CNKSR3: variants seen among roughly 807,000 people sequenced by gnomAD.
CNKSR3 encodes the protein connector enhancer of kinase suppressor of ras 3.
A neutral mutation model predicts 67.7 loss-of-function variants in CNKSR3; 36 were observed. The observed-to-expected ratio is 0.53, with a 90% CI of 0.41 to 0.70. The LOEUF (loss-of-function observed/expected upper bound fraction) is 0.70. Ranked by LOEUF, CNKSR3 falls within the 30% of genes least tolerant of loss-of-function variation. CNKSR3 has a pLI of 0.00. For synonymous variants in CNKSR3, 281 were observed against 271.4 expected, an observed-to-expected ratio of 1.04 and a Z score of -0.35; for missense variants, 630 against 695.2, an observed-to-expected ratio of 0.91 and a Z score of 1.05.
intron 1 of CNKSR3, among the ~76,000 whole-genome samples, chr6:154,466,732 G>A (rs1450738042): frequency 1.4e-5 from 2 of 147,724 alleles, no homozygotes; most frequent in Non-Finnish European, 3.0e-5. Flanking sequence ...TGATCCTCCT[G>A]CCTCATCCTC....
chr6:154,487,931 T>C (rs376549784), intron 1 of CNKSR3, among the ~76,000 whole-genome samples: 1 of 152,172 alleles, frequency 6.6e-6, no homozygotes, highest in South Asian at 2.1e-4. Flanking sequence ...CTACTATCAC[T>C]TGACTTTGAG....
intron 1 of CNKSR3, among the ~76,000 whole-genome samples, chr6:154,481,347 CTT>C (rs144453824): frequency 0.044 from 6,700 of 151,846 alleles, 172 homozygotes; most frequent in Middle Eastern, 0.079. Flanking sequence ...TGATAGCAGT[CTT>C]ATGCTTATTT....
At chr6:154,476,662 C>T (rs1439173280) in intron 1 of CNKSR3, among the ~76,000 whole-genome samples, 3 of 152,086 alleles carry the variant, frequency 2.0e-5, no homozygotes, top group Non-Finnish European at 2.9e-5. Flanking sequence ...TGGGGTCACT[C>T]GGCAAAGTAG....
intron 7 of CNKSR3, among the ~76,000 whole-genome samples, chr6:154,424,230 C>CAAAAAAAAAAAA (rs56218677): frequency 5.5e-5 from 4 of 72,924 alleles, no homozygotes; most frequent in Admixed American, 1.5e-4. Flanking sequence ...GACTCCGTCT[C>CAAAAAAAAAAAA]AAAAAAAAAA....
In CNKSR3 at chr6:154,482,354, C is replaced by T. The variant is rs369834180; in HGVS notation, c.52+27709G>A. On this transcript the variant is annotated intron_variant, in intron 1 of 12. Coordinates refer to ENST00000607772, the MANE Select transcript of CNKSR3 (RefSeq NM_173515.4). ...CTGACCCAAGATATTTTGCCAGGTGCAAGCCAGCCTGCCACAAAACATCCT... is the reference window on the plus strand; with the variant it reads ...CTGACCCAAGATATTTTGCCAGGTGTAAGCCAGCCTGCCACAAAACATCCT... Among the ~76,000 whole-genome samples the T allele has an allele frequency of 7.2e-5, 11 of 152,278 alleles. No individual in the cohort carries two copies. In the East Asian group the frequency reaches 1.9e-3, roughly 27 times the overall value.
intron 1 of CNKSR3, among the ~76,000 whole-genome samples, chr6:154,451,488 C>CAG (rs766132700): frequency 0.11 from 1,948 of 17,748 alleles, 14 homozygotes; most frequent in South Asian, 0.14. Context: ...CACACACACG[C>CAG]ACACACGCAT....
At chr6:154,447,401 G>A (rs1355284360) in intron 2 of CNKSR3, among the ~76,000 whole-genome samples, 1 of 152,044 alleles carries the variant, frequency 6.6e-6, no homozygotes, top group Non-Finnish European at 1.5e-5. Flanking sequence ...ATCGGTCTCA[G>A]GTACCCTCTA....
At chr6:154,447,987 A>G (rs1253130875) in intron 2 of CNKSR3, among the ~76,000 whole-genome samples, 2 of 152,122 alleles carry the variant, frequency 1.3e-5, no homozygotes, top group African/African-American at 4.8e-5. Flanking sequence ...AACTCACTAA[A>G]ATAATCCACA....
rs1356186624 is a variant in CNKSR3 at position 154,393,459 on chromosome 6, T to C, written c.*12895A>G. On this transcript the variant is annotated 3_prime_UTR_variant, in exon 13 of 13. Coordinates refer to ENST00000607772, the MANE Select transcript of CNKSR3 (RefSeq NM_173515.4). Reference sequence around the variant, plus strand: ...TAGTGAAAATCGCTTCACATGCATATGGACCATCTGATTCTCTTTTGCAAA... The same window carrying C: ...TAGTGAAAATCGCTTCACATGCATACGGACCATCTGATTCTCTTTTGCAAA... 1.3e-5 allele frequency: 2 copies of C among 152,240 alleles called. No individual in the cohort carries two copies. The highest frequency in any genetic ancestry group is 1.9e-4 in the East Asian group (1 of 5,198). The allele number at this position is 152,240 out of a possible 1,614,324, so 9.4% of individuals were successfully genotyped here. A position where few individuals can be genotyped will look rare whatever the true frequency, so the allele number is the denominator to read the frequency against.
chr6:154,428,804 A>G (rs925115623), intron 6 of CNKSR3, among the ~76,000 whole-genome samples: 2 of 152,092 alleles, frequency 1.3e-5, no homozygotes, highest in Non-Finnish European at 2.9e-5. Flanking sequence ...TATAGGTGTA[A>G]GCCACCACAC....
Position 154,410,360 on chromosome 6 carries a change from C to G in CNKSR3, c.1352G>C (p.Arg451Pro). The G allele has an allele frequency of 1.2e-6, 2 of 1,613,878 alleles. No homozygotes were observed. The highest frequency in any genetic ancestry group is 1.7e-6 in the Non-Finnish European group (2 of 1,179,826). ...AAACGTACCTTTCCTGCCATGACCT[C>G]GAGGTCTGGCAAAAGGGTCCACAAT... ...MGIVDPFARP[R>P]GHGRKGEDAL... Residue 451 changes from arginine (R) to proline (P), a missense_variant, in exon 12 of 13, where the codon CGA becomes CCA. By Grantham distance (103) the Arg-to-Pro change is moderately radical. This residue lies in a region of CNKSR3 where 308 missense variants were observed against 299.6 expected (regional missense o/e 1.03). Coordinates refer to ENST00000607772, the MANE Select transcript of CNKSR3 (RefSeq NM_173515.4).
chr6:154,486,299 CTTT>C (rs760666886), intron 1 of CNKSR3, among the ~76,000 whole-genome samples: 3 of 138,674 alleles, frequency 2.2e-5, no homozygotes, highest in Admixed American at 7.3e-5. Flanking sequence ...CTCTCTTTTT[CTTT>C]TTTTTTTTTT....
intron 1 of CNKSR3, among the ~76,000 whole-genome samples, chr6:154,468,393 T>TACACACAC (rs55806681): frequency 0.023 from 3,191 of 137,268 alleles, 47 homozygotes; most frequent in Admixed American, 0.036. Flanking sequence ...ATATATTTTA[T>TACACACAC]ACACACACAC....
chr6:154,407,058 T>C (rs1784811336), intron 12 of CNKSR3, among the ~76,000 whole-genome samples: 1 of 152,076 alleles, frequency 6.6e-6, no homozygotes, highest in African/African-American at 2.4e-5. Context: ...CACCATACCT[T>C]TACTGCTCTC....
rs555358751 is a variant in CNKSR3, at chr6:154,442,100, G to A, written c.407C>T (p.Ala136Val). Residue 136 changes from alanine (A) to valine (V), a missense_variant, in exon 3 of 13, where the codon GCG (alanine) becomes GTG (valine). Ala to Val is a moderately conservative substitution (Grantham distance 64). Coordinates refer to ENST00000607772, the MANE Select transcript of CNKSR3 (RefSeq NM_173515.4). ...ATCTCCAACTTACCGGTCCAGCCAC[G>A]CCAGCAGGGCCTTGGCGGCGCCGAT... Reference protein sequence around the residue: ...ELIGAAKALLAWLDRAPFTGI... With the variant: ...ELIGAAKALLVWLDRAPFTGI... 3 of 1,606,898 alleles carry A rather than the reference G, an allele frequency of 1.9e-6. No individual in the cohort carries two copies. Among genetic ancestry groups the A allele is most frequent in the Admixed American group, 1.7e-5 (1 of 59,788 alleles).
chr6:154,411,029 C>T lies in CNKSR3; in HGVS notation c.1184G>A (p.Arg395Gln), dbSNP rs202246081. 13 of 1,613,992 alleles carry T rather than the reference C, an allele frequency of 8.1e-6. No homozygotes were observed. The highest frequency in any genetic ancestry group is 1.1e-5 in the Non-Finnish European group (13 of 1,180,020). The change falls in exon 11 of 13, where the codon CGA becomes CAA. Residue 395 changes from arginine (R) to glutamine (Q), a missense_variant. By Grantham distance (43) the Arg-to-Gln change is conservative. Transcript: ENST00000607772. ...ATCCGAGTCTGCAATGGTGAATCTT[C>T]GTCTCCGGCTTTCCTGGTCCAAGAA... is the stretch of plus-strand genomic sequence containing the variant. ...NSFLDQESRR[R>Q]RFTIADSDQL...
chr6:154,493,920 A>C (rs899880617), intron 1 of CNKSR3, among the ~76,000 whole-genome samples: 2 of 152,128 alleles, frequency 1.3e-5, no homozygotes, highest in African/African-American at 4.8e-5. Flanking sequence ...TCGAGATGAG[A>C]TTTGAGTGGG....
At chr6:154,430,706 T>A in intron 5 of CNKSR3, 115 bp from the exon 6 acceptor site, 1 of 1,017,894 alleles carries the variant, frequency 9.8e-7, no homozygotes, top group Admixed American at 2.3e-5. Flanking sequence ...TTGGCAATCA[T>A]TTTGATAATT....
Position 154,406,272 on chromosome 6 carries a change from G to T in CNKSR3, c.*82C>A. On this transcript the variant is annotated 3_prime_UTR_variant, in exon 13 of 13. Coordinates refer to ENST00000607772, the MANE Select transcript of CNKSR3 (RefSeq NM_173515.4). Reference sequence around the variant, plus strand: ...CATAAGGTCCCTACATAATACTGAGGCTGAAACGAGAAGAGGCTGTCCACT... The same window carrying T: ...CATAAGGTCCCTACATAATACTGAGTCTGAAACGAGAAGAGGCTGTCCACT... 1 of 1,310,390 alleles carries T rather than the reference G, an allele frequency of 7.6e-7. No homozygotes were observed. Among genetic ancestry groups the T allele is most frequent in the Non-Finnish European group, 1.0e-6 (1 of 953,260 alleles). The allele number at this position is 1,310,390 out of a possible 1,614,324, so 81.2% of individuals were successfully genotyped here.
Sources: gnomAD v4.1 joint callset for allele counts (sites outside exome capture counted in the v4.1 genomes callset) on GRCh38, gnomAD v4.1.1 for gene constraint, gnomAD v4.1.1 regional missense constraint, MANE v1.5 for transcripts, NCBI Gene and HGNC (gene_info 2026-07-23, HGNC 2026-07-21) for gene names.